PAX5: variants seen among roughly 807,000 people sequenced by gnomAD.
PAX5 encodes paired box 5, also known as paired box protein Pax-5.
A neutral mutation model predicts 43.7 loss-of-function variants in PAX5; 9 were observed. The ratio of observed to expected loss-of-function variants is 0.21; its 90% CI spans 0.12 to 0.36. PAX5 has a LOEUF of 0.36. Ranked by LOEUF, PAX5 falls within the 10% of genes least tolerant of loss-of-function variation. The probability of loss-of-function intolerance (pLI) is 1.00; values close to 1 mark genes in which losing one functional copy is unlikely to be tolerated. For synonymous variants in PAX5, 228 were observed against 214.3 expected (o/e 1.06, Z -0.56); for missense variants, 383 against 532.7 (o/e 0.72, Z 2.77).
intron 6 of PAX5, among the ~76,000 whole-genome samples, chr9:36,950,085 CTTGT>C: frequency 1.3e-5 from 2 of 152,342 alleles, no homozygotes; most frequent in East Asian, 3.9e-4. Flanking sequence ...CTTCTGAAAG[CTTGT>C]TTGTCATAAT....
intron 8 of PAX5, among the ~76,000 whole-genome samples, chr9:36,854,397 A>G (rs1370190837): frequency 5.9e-5 from 9 of 152,224 alleles, no homozygotes; most frequent in Admixed American, 4.6e-4. Context: ...TATAATATTT[A>G]TAATATACAG....
At chr9:36,861,330 C>G (rs1824194853) in intron 8 of PAX5, 1 of 151,200 alleles carries the variant, frequency 6.6e-6, no homozygotes, top group Non-Finnish European at 1.5e-5. Flanking sequence ...TACTAGGTAC[C>G]AGGTCCTGAG....
intron 5 of PAX5, among the ~76,000 whole-genome samples, chr9:36,991,455 A>G (rs79328908): frequency 2.4e-4 from 37 of 152,294 alleles, no homozygotes; most frequent in African/African-American, 8.9e-4. Flanking sequence ...ACAGCAAGTA[A>G]AGGCTTAGAG....
intron 6 of PAX5, among the ~76,000 whole-genome samples, chr9:36,944,560 T>C (rs1199817941): frequency 6.6e-6 from 1 of 152,156 alleles, no homozygotes; most frequent in Non-Finnish European, 1.5e-5. Context: ...GAAGGGAAGC[T>C]GGTTCACGAC....
intron 7 of PAX5, among the ~76,000 whole-genome samples, chr9:36,908,860 T>C (rs1212013185): frequency 6.6e-6 from 1 of 152,234 alleles, no homozygotes; most frequent in Non-Finnish European, 1.5e-5. Flanking sequence ...CCTATAAATA[T>C]AAGGTCAGAA....
chr9:36,972,360 C>G (rs1478533585), intron 5 of PAX5, among the ~76,000 whole-genome samples: 1 of 152,216 alleles, frequency 6.6e-6, no homozygotes, highest in Non-Finnish European at 1.5e-5. Flanking sequence ...GCTGTGTGGG[C>G]CCAGGCAAGT....
chr9:36,972,377 C>T lies in PAX5; in HGVS notation c.605-5653G>A, dbSNP rs1440105859. ...TGTGTGGGCCCAGGCAAGTTCCTCTCCCTCTCTGAGCCTCAGAGACCCCAG... is the reference window on the plus strand; with the variant it reads ...TGTGTGGGCCCAGGCAAGTTCCTCTTCCTCTCTGAGCCTCAGAGACCCCAG... On this transcript the variant is annotated intron_variant, in intron 5 of 9. Coordinates refer to ENST00000358127, the MANE Select transcript of PAX5 (RefSeq NM_016734.3). 2.0e-5 allele frequency among the ~76,000 whole-genome samples: 3 copies of T among 152,228 alleles called. No homozygotes were observed. In the East Asian group the frequency reaches 5.8e-4, roughly 29 times the overall value.
intron 8 of PAX5, among the ~76,000 whole-genome samples, chr9:36,862,268 G>A (rs781765250): frequency 3.3e-5 from 5 of 152,258 alleles, no homozygotes; most frequent in South Asian, 2.1e-4. Context: ...GTGTGGGTGC[G>A]GAGTCCTGTC....
rs964584719 is a variant in PAX5, at chr9:36,882,324, G to A, written c.911-219C>T. On this transcript the variant is annotated intron_variant, in intron 7 of 9. Transcript: ENST00000358127. The surrounding 1 kb of genome is among the most constrained non-coding windows in gnomAD (Gnocchi z 4.4). Reference sequence around the variant, plus strand: ...TGCACACACATCTCCAGCCACCCTCGCTCCACTCAGCAAGAACAGAGTCAG... The same window carrying A: ...TGCACACACATCTCCAGCCACCCTCACTCCACTCAGCAAGAACAGAGTCAG... 1.3e-5 allele frequency among the ~76,000 whole-genome samples: 2 copies of A among 151,230 alleles called. No homozygotes were observed. Among genetic ancestry groups the A allele is most frequent in the African/African-American group, 4.9e-5 (2 of 40,960 alleles).
intron 6 of PAX5, among the ~76,000 whole-genome samples, chr9:36,962,372 T>A (rs1834042429): frequency 6.6e-6 from 1 of 152,226 alleles, no homozygotes; most frequent in African/African-American, 2.4e-5. Context: ...AGATTCCAGC[T>A]CTGCGGTTCA....
chr9:36,840,592 G>T lies in PAX5; in HGVS notation c.1144C>A (p.Pro382Thr). The stretch of plus-strand genomic sequence containing the variant: ...CGGTCATAGGCAGTGGCGGCTGCAG[G>T]TGGGGCGGCTCCTCGGGCGGCAGCG... The part of the protein sequence containing the change: ...YSAAARGAAP[P>T]AAATAYDRH The change falls in exon 10 of 10, where the codon CCT (proline) becomes ACT (threonine). Residue 382 changes from proline to threonine, a missense_variant. Transcript: ENST00000358127. 9 of 1,585,354 alleles carry T rather than the reference G, an allele frequency of 5.7e-6. No individual in the cohort carries two copies. The South Asian group carries it at 6.9e-5, about 12-fold the overall frequency.
At chr9:36,919,374 A>T (rs934471783) in intron 7 of PAX5, among the ~76,000 whole-genome samples, 5 of 152,218 alleles carry the variant, frequency 3.3e-5, no homozygotes, top group African/African-American at 1.2e-4. Context: ...TGCTAACACA[A>T]CACCCATTCC....
chr9:36,923,056 C>T (rs1830304793), intron 7 of PAX5: 1 of 351,588 alleles, frequency 2.8e-6, no homozygotes, highest in East Asian at 4.4e-5. Flanking sequence ...TCTGAACACT[C>T]AGCCCCACCC....
intron 7 of PAX5, among the ~76,000 whole-genome samples, chr9:36,914,591 C>A (rs948598357): frequency 1.3e-5 from 2 of 152,130 alleles, no homozygotes; most frequent in South Asian, 4.1e-4. Flanking sequence ...CCTCATAGGG[C>A]ATTGTTTTGA....
chr9:36,987,877 T>C (rs1262032308), intron 5 of PAX5, among the ~76,000 whole-genome samples: 1 of 152,266 alleles, frequency 6.6e-6, no homozygotes, highest in Non-Finnish European at 1.5e-5. Flanking sequence ...ACGCAGGTTC[T>C]TAACTGATAA....
intron 6 of PAX5, among the ~76,000 whole-genome samples, chr9:36,925,083 G>A (rs1440749402): frequency 9.2e-5 from 14 of 152,058 alleles, no homozygotes; most frequent in South Asian, 2.1e-4. Flanking sequence ...AACCAAAGGA[G>A]CCACTGGGTG....
chr9:37,003,996 C>T (rs1838167048), intron 4 of PAX5, among the ~76,000 whole-genome samples: 1 of 152,178 alleles, frequency 6.6e-6, no homozygotes, highest in African/African-American at 2.4e-5. Flanking sequence ...TTGCAACAGC[C>T]CAGAGTGCTA....
intron 8 of PAX5, among the ~76,000 whole-genome samples, chr9:36,847,260 C>T (rs1020933533): frequency 6.6e-6 from 1 of 152,150 alleles, no homozygotes; most frequent in Non-Finnish European, 1.5e-5. Flanking sequence ...GGCTGATGCC[C>T]AGGTCGTCTC....
chr9:36,936,552 G>T (rs552671543), intron 6 of PAX5, among the ~76,000 whole-genome samples: 1 of 152,296 alleles, frequency 6.6e-6, no homozygotes, highest in African/African-American at 2.4e-5. Context: ...GCCTGAATGA[G>T]GGGTCCAAAG....
Sources: gnomAD v4.1 joint callset for allele counts (sites outside exome capture counted in the v4.1 genomes callset) on GRCh38, gnomAD v4.1.1 for gene constraint, Gnocchi (gnomAD v3.1) non-coding constraint, MANE v1.5 for transcripts, NCBI Gene and HGNC (gene_info 2026-07-23, HGNC 2026-07-21) for gene names.